Variants in MADD observed in about 807,000 individuals in gnomAD.
MADD encodes MAP kinase-activating death domain protein.
A neutral mutation model predicts 176.7 loss-of-function variants in MADD; 109 were observed. That is an observed-to-expected ratio of 0.62 (90% CI 0.53 to 0.72). The LOEUF (loss-of-function observed/expected upper bound fraction) is 0.72, where lower values mean the gene tolerates loss of function less well. MADD is among the 30% of genes least tolerant of loss of function. MADD has a pLI of 0.00. For missense variants in MADD, 1,914 were observed against 2,045.5 expected, an observed-to-expected ratio of 0.94 and a Z score of 1.24; for synonymous variants, 771 against 771.3, an observed-to-expected ratio of 1.00 and a Z score of 0.01.
chr11:47,303,855 G>A (rs569867772), intron 22 of MADD, among the ~76,000 whole-genome samples: 4 of 151,952 alleles, frequency 2.6e-5, no homozygotes, highest in South Asian at 2.1e-4. Context: ...TGATCTGCCC[G>A]CCTTGGCCTC....
chr11:47,285,956 A>G (rs75610511), intron 14 of MADD, among the ~76,000 whole-genome samples: 1 of 152,332 alleles, frequency 6.6e-6, no homozygotes, highest in East Asian at 1.9e-4. Flanking sequence ...GGACTCTTCC[A>G]TGAATGTGCT....
chr11:47,292,680 C>A, intron 19 of MADD, 84 bp downstream of exon 21: 2 of 1,343,078 alleles, frequency 1.5e-6, no homozygotes, highest in South Asian at 2.4e-5. Flanking sequence ...CTCCCTTTGT[C>A]AGCCCCACCC....
intron 15 of MADD, among the ~76,000 whole-genome samples, chr11:47,288,297 G>A (rs2062300791): frequency 6.6e-6 from 1 of 152,126 alleles, no homozygotes. Context: ...TCTAAAAGAA[G>A]CCAACAGAAA....
upstream of MADD, chr11:47,269,266 C>T (rs1958133202): frequency 6.5e-6 from 1 of 152,912 alleles, no homozygotes; most frequent in African/African-American, 2.4e-5. Flanking sequence ...TCTTACTAAC[C>T]CCCACTGCGC....
At chr11:47,319,245 C>T (rs1169976680) in intron 27 of MADD, among the ~76,000 whole-genome samples, 2 of 151,366 alleles carry the variant, frequency 1.3e-5, no homozygotes, top group Non-Finnish European at 2.9e-5. Flanking sequence ...GATTCTCCTA[C>T]CTCAGACTCC....
intron 7 of MADD, among the ~76,000 whole-genome samples, chr11:47,280,995 C>T (rs1227554514): frequency 6.6e-6 from 1 of 152,208 alleles, no homozygotes; most frequent in Non-Finnish European, 1.5e-5. Context: ...TGTTAAAGTG[C>T]AGGATCACTC....
chr11:47,327,318 A>C, intron 31 of MADD: 1 of 988,372 alleles, frequency 1.0e-6, no homozygotes, highest in Non-Finnish European at 1.2e-6. Flanking sequence ...TGTAGCCGGA[A>C]GCTGGGAGCC....
chr11:47,284,601 C>T, intron 12 of MADD, 36 bp downstream of exon 12: 1 of 1,602,010 alleles, frequency 6.2e-7, no homozygotes, highest in Non-Finnish European at 8.5e-7. Flanking sequence ...AGAACCATGG[C>T]CTGGGATGTG....
Position 47,324,461 on chromosome 11 carries a change from C to T in MADD, c.4436-10C>T, listed in dbSNP as rs1280022431. 2.5e-6 allele frequency: 4 copies of T among 1,611,256 alleles called. No homozygotes were observed. The highest frequency in any genetic ancestry group is 2.5e-6 in the Non-Finnish European group (3 of 1,177,490). On this transcript the variant is annotated splice_polypyrimidine_tract_variant and intron_variant, in intron 29 of 32. Coordinates refer to ENST00000402192, the Ensembl canonical transcript of MADD. ...CACCAGTGAGCTGATAGCCCCCTCC[C>T]TCACCACAGGACCTGAATTGGGTGG... is the stretch of plus-strand genomic sequence containing the variant.
rs1266690325 is a variant in MADD, at chr11:47,325,544, T to C, written c.4542+967T>C. On this transcript the variant is annotated intron_variant, in intron 30 of 32. Transcript: ENST00000402192. The surrounding 1 kb of genome is among the most constrained non-coding windows in gnomAD (Gnocchi z 4.5). ...TGTAGCTCTCTTTCAGGAACGTAGC[T>C]GGGCAGCTTTGGTTTAACAGGAAAT... 6.6e-6 allele frequency among the ~76,000 whole-genome samples: 1 copy of C among 152,208 alleles called. No homozygotes were observed. The highest frequency in any genetic ancestry group is 2.4e-5 in the African/African-American group (1 of 41,454).
chr11:47,290,518 G>A (rs747638865), intron 18 of MADD, 92 bp from the exon 20 acceptor site: 41 of 1,361,368 alleles, frequency 3.0e-5, no homozygotes, highest in Admixed American at 6.2e-5. Flanking sequence ...CTTCCATTCC[G>A]CACCCTCCTG....
chr11:47,308,779 C>A, intron 23 of MADD, 80 bp downstream of exon 25: 1 of 1,231,150 alleles, frequency 8.1e-7, no homozygotes, highest in Non-Finnish European at 1.2e-6. Flanking sequence ...GAACAAGTAG[C>A]TGGTTGTCTT....
intron 26 of MADD, 34 bp downstream of exon 29, chr11:47,311,876 A>G (rs375928282): frequency 5.3e-5 from 73 of 1,388,254 alleles, no homozygotes; most frequent in Admixed American, 2.2e-4. Context: ...AGGCTTCCCC[A>G]TGGGTCATTT....
chr11:47,329,367 C>T (rs1595809842), exon 33 of MADD: 1 of 575,966 alleles, frequency 1.7e-6, no homozygotes. Flanking sequence ...GACCAAACTG[C>T]CTTCCCCTCA....
At chr11:47,303,485 G>A (rs868101138) in intron 22 of MADD, among the ~76,000 whole-genome samples, 3 of 152,024 alleles carry the variant, frequency 2.0e-5, no homozygotes, top group Non-Finnish European at 1.5e-5. Flanking sequence ...TGATCTGCCT[G>A]CCTCGGCCTC....
intron 22 of MADD, among the ~76,000 whole-genome samples, chr11:47,304,944 G>A (rs1378410455): frequency 1.3e-5 from 2 of 152,066 alleles, no homozygotes; most frequent in Non-Finnish European, 2.9e-5. Flanking sequence ...AGTTGGGAAG[G>A]GTATGGCAAC....
At chr11:47,304,031 C>G (rs1468395249) in intron 22 of MADD, among the ~76,000 whole-genome samples, 1 of 151,948 alleles carries the variant, frequency 6.6e-6, no homozygotes, top group Non-Finnish European at 1.5e-5. Flanking sequence ...GTTTTTTATG[C>G]CTTTCCCCTT....
At chr11:47,308,794 C>A in intron 23 of MADD, 95 bp downstream of exon 25, 1 of 1,142,976 alleles carries the variant, frequency 8.7e-7, no homozygotes, top group Non-Finnish European at 1.3e-6. Flanking sequence ...TGTCTTTCTG[C>A]TGATCTTAAT....
intron 22 of MADD, 70 bp downstream of exon 24, chr11:47,296,125 G>C: frequency 6.5e-7 from 1 of 1,543,204 alleles, no homozygotes; most frequent in Non-Finnish European, 8.9e-7. Flanking sequence ...AGAAAAGAAT[G>C]AAAGTTAAGA....
Sources: allele counts gnomAD v4.1 joint callset (sites outside exome capture counted in the v4.1 genomes callset), GRCh38; gene constraint gnomAD v4.1.1; non-coding constraint Gnocchi (gnomAD v3.1); transcripts MANE v1.5; gene names NCBI Gene and HGNC (gene_info 2026-07-23, HGNC 2026-07-21).